RYR3: variants seen among roughly 807,000 people sequenced by gnomAD.
RYR3 encodes the protein brain ryanodine receptor-calcium release channel.
Under a neutral mutation model 584.3 loss-of-function variants are expected in RYR3, and 207 were observed. The ratio of observed to expected loss-of-function variants is 0.35; its 90% CI spans 0.32 to 0.40. The LOEUF (loss-of-function observed/expected upper bound fraction) is 0.40. RYR3 is among the 10% of genes least tolerant of loss of function. The pLI is 1.00. For synonymous variants in RYR3, 2,416 were observed against 2,248.5 expected (o/e 1.07, Z -2.11); for missense variants, 5,616 against 6,089.2 (o/e 0.92, Z 2.59).
At chr15:33,801,562 T>C (rs1159108684) in intron 68 of RYR3, among the ~76,000 whole-genome samples, 1 of 152,206 alleles carries the variant, frequency 6.6e-6, no homozygotes, top group Non-Finnish European at 1.5e-5. Context: ...CTGTCTGTCA[T>C]GTGATGCTAT....
chr15:33,718,328 G>T (rs1320345911), intron 43 of RYR3, among the ~76,000 whole-genome samples: 1 of 152,186 alleles, frequency 6.6e-6, no homozygotes, highest in Admixed American at 6.5e-5. Context: ...TCTCTGCCTT[G>T]AGTCTCAATA....
chr15:33,573,123 CTT>C (rs35470641), intron 12 of RYR3, among the ~76,000 whole-genome samples: 95,239 of 151,746 alleles, frequency 0.63, 31,533 homozygotes, highest in Middle Eastern at 0.75. Flanking sequence ...TTACTGAGCT[CTT>C]TATTCAGCTG....
chr15:33,862,647 G>A (rs1210891413), intron 102 of RYR3, among the ~76,000 whole-genome samples: 5 of 152,136 alleles, frequency 3.3e-5, no homozygotes, highest in Non-Finnish European at 7.3e-5. Context: ...GACAGTCTCT[G>A]TCACCCAGGC....
At chr15:33,823,167 T>C (rs887369828) in intron 81 of RYR3, 95 bp downstream of exon 81, 3 of 990,066 alleles carry the variant, frequency 3.0e-6, no homozygotes, top group African/African-American at 3.2e-5. Flanking sequence ...TGGCCTACCA[T>C]AGAATTCTTG....
At chr15:33,428,996 A>G (rs998185533) in intron 1 of RYR3, among the ~76,000 whole-genome samples, 4 of 152,180 alleles carry the variant, frequency 2.6e-5, no homozygotes, top group African/African-American at 9.7e-5. Context: ...TTCTACAGGA[A>G]CCTAGTTAAG....
chr15:33,562,758 A>G, intron 10 of RYR3, 79 bp from the exon 11 acceptor site: 2 of 1,045,060 alleles, frequency 1.9e-6, no homozygotes, highest in Non-Finnish European at 2.9e-6. Context: ...CAGGTTCTTC[A>G]TAGGTGATTC....
intron 27 of RYR3, among the ~76,000 whole-genome samples, chr15:33,636,854 A>G (rs1261624948): frequency 2.0e-5 from 3 of 152,254 alleles, no homozygotes; most frequent in Non-Finnish European, 4.4e-5. Context: ...ATTACAAAGA[A>G]AACACTTATT....
intron 32 of RYR3, among the ~76,000 whole-genome samples, chr15:33,658,901 A>G (rs2062980243): frequency 1.3e-5 from 2 of 152,186 alleles, no homozygotes; most frequent in African/African-American, 2.4e-5. Flanking sequence ...GGGGGTGGAG[A>G]GGATGGAGAG....
intron 1 of RYR3, among the ~76,000 whole-genome samples, chr15:33,456,423 C>A (rs182262234): frequency 1.3e-5 from 2 of 152,092 alleles, no homozygotes; most frequent in Non-Finnish European, 2.9e-5. Flanking sequence ...AATAGCATTA[C>A]GTCTTTTTTT....
At chr15:33,371,543 T>C (rs2040331471) in intron 1 of RYR3, among the ~76,000 whole-genome samples, 1 of 152,228 alleles carries the variant, frequency 6.6e-6, no homozygotes, top group Admixed American at 6.5e-5. Flanking sequence ...GATGAATGTT[T>C]AGATAAATAA....
At chr15:33,676,872 A>ATCATTG (rs1444953931) in intron 38 of RYR3, among the ~76,000 whole-genome samples, 4 of 152,174 alleles carry the variant, frequency 2.6e-5, no homozygotes, top group Non-Finnish European at 5.9e-5. Flanking sequence ...TGTTGAATCA[A>ATCATTG]TCATTGTCAG....
At chr15:33,836,847 TG>T in intron 87 of RYR3, 58 bp from the exon 88 acceptor site, 1 of 1,385,152 alleles carries the variant, frequency 7.2e-7, no homozygotes. Flanking sequence ...TCTCGCTCAC[TG>T]CCCTGTACTT....
intron 5 of RYR3, among the ~76,000 whole-genome samples, chr15:33,538,515 C>A (rs145061424): frequency 6.6e-6 from 1 of 152,202 alleles, no homozygotes. Flanking sequence ...TTTCCAAAAC[C>A]AGACCACCCT....
rs746688809 is a variant in RYR3, at chr15:33,757,536, C to G, written c.8645C>G (p.Pro2882Arg). ...TSHCLYFLSSPLKPLSSSGYA... is the reference protein window; with the variant it reads ...TSHCLYFLSSRLKPLSSSGYA... ...CATTGCCTCTACTTCTTGTCATCCCCTCTGAAGCCCCTTAGCAGCAGCGGA... is the reference window on the plus strand; with the variant it reads ...CATTGCCTCTACTTCTTGTCATCCCGTCTGAAGCCCCTTAGCAGCAGCGGA... Residue 2882 changes from proline to arginine, a missense_variant, in exon 60 of 104, where the codon CCT becomes CGT. Pro to Arg is a moderately radical substitution (Grantham distance 103). Around this residue, in one of 9 missense-constraint regions of RYR3, gnomAD observed 1,280 missense variants for 1,426.2 expected, o/e 0.90. Coordinates refer to ENST00000634891, the MANE Select transcript of RYR3 (RefSeq NM_001036.6). 6.2e-7 allele frequency: 1 copy of G among 1,611,312 alleles called. No homozygotes were observed. Among genetic ancestry groups the G allele is most frequent in the African/African-American group, 1.3e-5 (1 of 74,886 alleles).
At chr15:33,855,830 T>A (rs2079600635) in intron 98 of RYR3, 1 of 152,214 alleles carries the variant, frequency 6.6e-6, no homozygotes, top group Admixed American at 6.5e-5. Context: ...AGACTGGATA[T>A]AGCAACGGCT....
Position 33,811,040 on chromosome 15 carries a change from G to A in RYR3, c.10257+3G>A. On this transcript the variant is annotated splice_donor_region_variant and intron_variant, in intron 72 of 103. Coordinates refer to ENST00000634891, the MANE Select transcript of RYR3 (RefSeq NM_001036.6). The stretch of plus-strand genomic sequence containing the variant: ...ACAACTTGCACTTGCAGGAAAAGGT[G>A]ATGACTCAGGACAGCAGTGAGAACT... The A allele has an allele frequency of 6.2e-7, 1 of 1,605,654 alleles. No individual in the cohort carries two copies. Among genetic ancestry groups the A allele is most frequent in the Non-Finnish European group, 8.5e-7 (1 of 1,176,194 alleles).
At chr15:33,520,989 G>A (rs74933242) in intron 3 of RYR3, among the ~76,000 whole-genome samples, 3,937 of 152,252 alleles carry the variant, frequency 0.026, 60 homozygotes, top group Non-Finnish European at 0.041. Context: ...AATCTACATC[G>A]ATTCTCATAG....
intron 48 of RYR3, 81 bp downstream of exon 48, chr15:33,731,775 G>A (rs1596344591): frequency 1.0e-6 from 1 of 1,002,070 alleles, no homozygotes; most frequent in East Asian, 2.6e-5. Context: ...AAAACTGGTG[G>A]TCTAGTCTAA....
At chr15:33,385,300 T>C (rs1016955322) in intron 1 of RYR3, among the ~76,000 whole-genome samples, 24 of 152,288 alleles carry the variant, frequency 1.6e-4, no homozygotes, top group East Asian at 5.8e-4. Flanking sequence ...ACTTTTTTTT[T>C]CCCCTTGTAG....
Sources: allele counts gnomAD v4.1 joint callset (sites outside exome capture counted in the v4.1 genomes callset), GRCh38; gene constraint gnomAD v4.1.1; regional missense constraint gnomAD v4.1.1; transcripts MANE v1.5; gene names NCBI Gene and HGNC (gene_info 2026-07-23, HGNC 2026-07-21).